The following HMCN2 variants were observed in gnomAD, a reference collection of about 807,000 sequenced individuals.
HMCN2 encodes the protein hemicentin-2.
Under a neutral mutation model 377.5 loss-of-function variants are expected in HMCN2, and 325 were observed. That is an observed-to-expected ratio of 0.86 (90% confidence interval 0.79 to 0.94). The LOEUF is 0.94. Among genes scored for constraint, HMCN2 ranks in the 40% least tolerant of loss-of-function variants. HMCN2 has a pLI of 0.00. For synonymous variants in HMCN2, 2,007 were observed against 2,046.8 expected (o/e 0.98, Z 0.53); for missense variants, 4,543 against 4,725.3 (o/e 0.96, Z 1.13).
intron 15 of HMCN2, among the ~76,000 whole-genome samples, chr9:130,318,838 A>G (rs1055388220): frequency 3.0e-4 from 46 of 152,310 alleles, no homozygotes; most frequent in African/African-American, 1.1e-3. Context: ...TGCTCTTTCC[A>G]AAAAAGTTCA....
chr9:130,411,857 A>T (rs909330545), intron 85 of HMCN2, among the ~76,000 whole-genome samples: 1 of 136,360 alleles, frequency 7.3e-6, no homozygotes, highest in African/African-American at 2.6e-5. Context: ...TCAGTTTAGC[A>T]AGAGAAAAAA....
intron 73 of HMCN2, among the ~76,000 whole-genome samples, chr9:130,397,170 T>C (rs1842646034): frequency 6.6e-6 from 1 of 152,128 alleles, no homozygotes; most frequent in Non-Finnish European, 1.5e-5. Flanking sequence ...CTCACAATCA[T>C]GGTGGAAGGA....
intron 15 of HMCN2, among the ~76,000 whole-genome samples, 168 bp from the exon 16 acceptor site, chr9:130,319,327 G>A (rs1011580510): frequency 2.6e-5 from 4 of 152,154 alleles, no homozygotes; most frequent in Non-Finnish European, 5.9e-5. Context: ...GAGCTCTCCA[G>A]GGGTGGATGC....
rs781892872 is a variant in HMCN2 at position 130,304,750 on chromosome 9, C to T, written c.1564C>T (p.Pro522Ser). ...VVTDPPPQLV[P>S]APNVTVSPGE... ...TGCAGACCCCCCGCCGCAGCTGGTC[C>T]CTGCTCCCAACGTGACCGTGTCCCC... is the stretch of plus-strand genomic sequence containing the variant. Residue 522 changes from proline (P) to serine (S), a missense_variant, in exon 11 of 98, where the codon CCT (proline) becomes TCT (serine). This residue lies in a region of HMCN2 where 547 missense variants were observed against 189.9 expected (regional missense o/e 2.88). Coordinates refer to ENST00000683500, the MANE Select transcript of HMCN2 (RefSeq NM_001291815.2). The surrounding 1 kb of genome is among the most constrained non-coding windows in gnomAD (Gnocchi z 4.3). The T allele has an allele frequency of 1.3e-5, 6 of 468,482 alleles. No homozygotes were observed. Among genetic ancestry groups the T allele is most frequent in the Admixed American group, 2.4e-5 (1 of 42,526 alleles). 29.0% of individuals were successfully genotyped at this position (468,482 alleles called of 1,614,324 possible). A position where few individuals can be genotyped will look rare whatever the true frequency, so the allele number is the denominator to read the frequency against.
intron 74 of HMCN2, 119 bp from the exon 75 acceptor site, chr9:130,398,432 G>A: frequency 6.3e-6 from 2 of 315,704 alleles, no homozygotes; most frequent in Non-Finnish European, 9.2e-6. Flanking sequence ...CTCCCTCTGT[G>A]CTCCCTCAGG....
At chr9:130,296,045 C>T (rs1355741825) in intron 6 of HMCN2, among the ~76,000 whole-genome samples, 31 of 152,254 alleles carry the variant, frequency 2.0e-4, no homozygotes, top group African/African-American at 7.2e-4. Flanking sequence ...GGTGCATAAC[C>T]AAGCTGTGAA....
chr9:130,284,457 G>A (rs781980990), intron 1 of HMCN2, 146 bp from the exon 2 acceptor site: 47 of 388,942 alleles, frequency 1.2e-4, no homozygotes, highest in Admixed American at 2.0e-4. Context: ...CTGCAGCTCC[G>A]GGAGCTGCTC....
chr9:130,405,173 G>T (rs981917068), intron 81 of HMCN2, 114 bp downstream of exon 81: 4 of 691,258 alleles, frequency 5.8e-6, no homozygotes, highest in African/African-American at 1.9e-5. Flanking sequence ...GGAAATCAGT[G>T]TCACCATCCC....
intron 55 of HMCN2, 107 bp from the exon 56 acceptor site, chr9:130,382,572 G>A: frequency 1.4e-5 from 4 of 285,592 alleles, no homozygotes; most frequent in Non-Finnish European, 2.1e-5. Flanking sequence ...AGAAGGGCAT[G>A]AGGATCCCGA....
At chr9:130,421,372 T>C (rs1317143203) in intron 86 of HMCN2, among the ~76,000 whole-genome samples, 2 of 152,130 alleles carry the variant, frequency 1.3e-5, no homozygotes, top group South Asian at 2.1e-4. Flanking sequence ...GGGGCATGGG[T>C]GGGTGAAGGG....
intron 53 of HMCN2, among the ~76,000 whole-genome samples, chr9:130,378,929 C>G (rs959129563): frequency 2.0e-5 from 3 of 152,206 alleles, no homozygotes; most frequent in South Asian, 2.1e-4. Flanking sequence ...TGCCTCTATG[C>G]TCTGATAGAC....
intron 86 of HMCN2, among the ~76,000 whole-genome samples, chr9:130,420,853 C>T (rs769454496): frequency 6.6e-6 from 1 of 152,204 alleles, no homozygotes; most frequent in Admixed American, 6.5e-5. Context: ...AAGACTTCAA[C>T]GTATGAATTT....
intron 84 of HMCN2, among the ~76,000 whole-genome samples, chr9:130,409,221 C>T (rs78110273): frequency 0.01 from 1,597 of 152,308 alleles, 23 homozygotes; most frequent in African/African-American, 0.037. Context: ...TAAGAGTGAT[C>T]TGTGGGTAAT....
chr9:130,290,662 C>T (rs1297469672), intron 4 of HMCN2, among the ~76,000 whole-genome samples: 6 of 152,172 alleles, frequency 3.9e-5, no homozygotes, highest in East Asian at 1.9e-4. Flanking sequence ...CCCACATGGA[C>T]GAAGAACCTT....
At chr9:130,349,816 C>G (rs1839602853) in intron 29 of HMCN2, among the ~76,000 whole-genome samples, 153 bp downstream of exon 29, 1 of 152,032 alleles carries the variant, frequency 6.6e-6, no homozygotes, top group African/African-American at 2.4e-5. Context: ...GGGGCGCCTC[C>G]CACCCAGCAG....
chr9:130,289,898 C>T (rs544272991), intron 4 of HMCN2, among the ~76,000 whole-genome samples: 1 of 152,336 alleles, frequency 6.6e-6, no homozygotes, highest in South Asian at 2.1e-4. Context: ...CTCATCTGTG[C>T]CTCGGGGGCC....
rs1394566138 is a variant in HMCN2, at chr9:130,364,784, C to T, written c.6303C>T (p.Cys2101=). 7.1e-6 allele frequency: 7 copies of T among 985,802 alleles called. No individual in the cohort carries two copies. The highest frequency in any genetic ancestry group is 8.4e-6 in the Non-Finnish European group (7 of 829,992). 61.1% of individuals were successfully genotyped at this position (985,802 alleles called of 1,614,324 possible). ...VVANESVALE[C]QSHAMPPPVL... is the part of the protein sequence containing the mutation. ...CCAATGAGTCAGTGGCCCTGGAGTG[C>T]CAGAGCCACGCCATGCCCCCTCCTG... is the stretch of plus-strand genomic sequence containing the variant. Residue 2101 remains cysteine, a synonymous_variant, in exon 41 of 98, where the codon TGC becomes TGT. Coordinates refer to ENST00000683500, the MANE Select transcript of HMCN2 (RefSeq NM_001291815.2).
chr9:130,370,130 G>A (rs1022777108), intron 45 of HMCN2, among the ~76,000 whole-genome samples: 3 of 152,148 alleles, frequency 2.0e-5, no homozygotes, highest in African/African-American at 7.2e-5. Flanking sequence ...CTGGGCACTG[G>A]GAAAGTAAGC....
Position 130,295,784 on chromosome 9 carries a change from G to A in HMCN2, c.891+12G>A, listed in dbSNP as rs1836107764. On this transcript the variant is annotated intron_variant, in intron 6 of 97. Transcript: ENST00000683500. The stretch of plus-strand genomic sequence containing the variant: ...TGTGGTCCATCAAGGTAGGGGCACT[G>A]GGTTGCAGGAGAAAGGTCGACTAGC... 4.3e-6 allele frequency: 2 copies of A among 470,422 alleles called. No individual in the cohort carries two copies. Among genetic ancestry groups the A allele is most frequent in the East Asian group, 1.4e-4 (2 of 14,392 alleles). 29.1% of individuals were successfully genotyped at this position (470,422 alleles called of 1,614,324 possible). A position where few individuals can be genotyped will look rare whatever the true frequency, so the allele number is the denominator to read the frequency against.
Sources: gnomAD v4.1 joint callset for allele counts (sites outside exome capture counted in the v4.1 genomes callset) on GRCh38, gnomAD v4.1.1 for gene constraint, gnomAD v4.1.1 regional missense constraint, Gnocchi (gnomAD v3.1) non-coding constraint, MANE v1.5 for transcripts, NCBI Gene and HGNC (gene_info 2026-07-23, HGNC 2026-07-21) for gene names.